FAXDC2: variants seen among roughly 807,000 people sequenced by gnomAD.
The protein encoded by FAXDC2 is fatty acid hydroxylase domain-containing protein 2.
Under a neutral mutation model 40.9 loss-of-function variants are expected in FAXDC2, and 41 were observed. The ratio of observed to expected loss-of-function variants is 1.00; its 90% confidence interval spans 0.78 to 1.30. The LOEUF (loss-of-function observed/expected upper bound fraction) is 1.30, where lower values mean the gene tolerates loss of function less well. Among genes scored for constraint, FAXDC2 ranks in the 50% most tolerant of loss-of-function variants. The pLI, the probability that FAXDC2 is intolerant of heterozygous loss-of-function variation, is 0.00. For synonymous variants in FAXDC2, 157 were observed against 149.3 expected, an observed-to-expected ratio of 1.05 and a Z score of -0.38; for missense variants, 390 against 408.8, an observed-to-expected ratio of 0.95 and a Z score of 0.40.
intron 1 of FAXDC2, among the ~76,000 whole-genome samples, chr5:154,845,882 T>G (rs1194102891): frequency 1.3e-5 from 2 of 150,702 alleles, no homozygotes; most frequent in Non-Finnish European, 3.0e-5. Flanking sequence ...GCCTCCCGGG[T>G]TCAAGCGATT....
rs1286713689 is a variant in FAXDC2 at position 154,822,579 on chromosome 5, TG to T, written c.573-3del. On this transcript the variant is annotated splice_region_variant and splice_polypyrimidine_tract_variant and intron_variant, in intron 6 of 8. Coordinates refer to ENST00000326080, the MANE Select transcript of FAXDC2 (RefSeq NM_032385.5). The stretch of plus-strand genomic sequence containing the variant: ...TAGAATGTTGGGTGGTGAAGGAGCC[TG>T]GGGAAATAGTTAATAGTTAATAACC... 1 of 1,610,554 alleles carries T rather than the reference TG, an allele frequency of 6.2e-7. No individual in the cohort carries two copies. Among genetic ancestry groups the T allele is most frequent in the African/African-American group, 1.3e-5 (1 of 74,850 alleles).
intron 2 of FAXDC2, 54 bp from the exon 3 acceptor site, chr5:154,834,988 C>T (rs148417512): frequency 2.7e-6 from 3 of 1,115,810 alleles, no homozygotes; most frequent in Admixed American, 3.9e-5. Context: ...CCTTTACACC[C>T]AGCTCACTGC....
intron 4 of FAXDC2, among the ~76,000 whole-genome samples, chr5:154,832,607 C>T (rs1381260893): frequency 1.4e-4 from 22 of 152,206 alleles, no homozygotes; most frequent in Admixed American, 1.4e-3. Context: ...CTTGGAACTT[C>T]AAAGGCTGCC....
At chr5:154,848,867 T>C (rs1392927840) in intron 1 of FAXDC2, among the ~76,000 whole-genome samples, 1 of 151,896 alleles carries the variant, frequency 6.6e-6, no homozygotes, top group Non-Finnish European at 1.5e-5. Flanking sequence ...CTCTGGAGGC[T>C]GAGACAGGAG....
intron 1 of FAXDC2, among the ~76,000 whole-genome samples, chr5:154,842,191 TTTG>T (rs796118780): frequency 4.7e-4 from 72 of 151,904 alleles, no homozygotes; most frequent in African/African-American, 1.7e-3. Context: ...TTGTGTGTTT[TTTG>T]TTTTGTTTTG....
At chr5:154,830,722 G>A in intron 5 of FAXDC2, 79 bp downstream of exon 5, 1 of 1,562,982 alleles carries the variant, frequency 6.4e-7, no homozygotes, top group South Asian at 1.1e-5. Context: ...GTCTCTCCTG[G>A]GCCAGTGGTG....
intron 4 of FAXDC2, among the ~76,000 whole-genome samples, chr5:154,831,680 C>T (rs183705369): frequency 1.9e-4 from 29 of 152,202 alleles, no homozygotes; most frequent in Admixed American, 1.5e-3. Flanking sequence ...CTCCATCAAC[C>T]GAAGTAACTG....
At chr5:154,821,546 TGA>T in intron 7 of FAXDC2, 120 bp from the exon 8 acceptor site, 2 of 715,740 alleles carry the variant, frequency 2.8e-6, no homozygotes, top group Non-Finnish European at 2.2e-6. Context: ...CTGGAGAAGG[TGA>T]GAGTTTCGGG....
chr5:154,847,052 C>T (rs1760616791), intron 1 of FAXDC2, among the ~76,000 whole-genome samples: 1 of 152,062 alleles, frequency 6.6e-6, no homozygotes, highest in African/African-American at 2.4e-5. Context: ...CAGCCTCAAT[C>T]TTCTATGCTC....
chr5:154,842,839 T>TA lies in FAXDC2; in HGVS notation c.1-4662dup, dbSNP rs368265291. Among the ~76,000 whole-genome samples, 396 of 149,670 alleles carry TA rather than the reference T, an allele frequency of 2.6e-3. 1 individual carries two copies. Among genetic ancestry groups the TA allele is most frequent in the African/African-American group, 5.3e-3 (218 of 40,748 alleles). On this transcript the variant is annotated intron_variant, in intron 1 of 8. Coordinates refer to ENST00000326080, the MANE Select transcript of FAXDC2 (RefSeq NM_032385.5). ...GCCACTGCACCCGGCCCTTTTTTTT[T>TA]AAAAAAAAATAGAGATATAGGGTCT...
intron 1 of FAXDC2, chr5:154,838,932 C>T (rs117932163): frequency 6.6e-6 from 1 of 152,062 alleles, no homozygotes; most frequent in South Asian, 2.1e-4. Context: ...TGAAACCAAT[C>T]AACAGTTCTA....
rs747826037 is a variant in FAXDC2, at chr5:154,821,386, A to G, written c.719T>C (p.Met240Thr). The stretch of plus-strand genomic sequence containing the variant: ...GGTGATGGAGGACAAGTGGGAGCCC[A>G]TTACTAATGGGCCCACTATCACCGG... ...MLPVIVGPLV[M>T]GSHLSSITMW... is the part of the protein sequence containing the mutation. The change falls in exon 8 of 9, where the codon ATG becomes ACG. Residue 240 changes from methionine (M) to threonine (T), a missense_variant. Met to Thr is a moderately conservative substitution (Grantham distance 81, BLOSUM62 -1). Transcript: ENST00000326080. 2 of 1,612,158 alleles carry G rather than the reference A, an allele frequency of 1.2e-6. No homozygotes were observed. Among genetic ancestry groups the G allele is most frequent in the East Asian group, 2.2e-5 (1 of 44,782 alleles).
rs566532489 is a variant in FAXDC2 at position 154,837,376 on chromosome 5, G to T, written c.48+755C>A. ...ACTCTTGGCCTCATGTGATCTTCCA[G>T]CCTTAGTCTCCCAAAGTGCTGGGAT... On this transcript the variant is annotated intron_variant, in intron 2 of 8. Transcript: ENST00000326080. 3.9e-5 allele frequency among the ~76,000 whole-genome samples: 6 copies of T among 152,132 alleles called. No homozygotes were observed. In the East Asian group the frequency reaches 9.7e-4, roughly 24 times the overall value.
intron 1 of FAXDC2, among the ~76,000 whole-genome samples, chr5:154,849,717 T>G (rs537327944): frequency 1.3e-5 from 2 of 152,292 alleles, no homozygotes; most frequent in Non-Finnish European, 2.9e-5. Context: ...TCAAAGAAAT[T>G]TAATTGGAAT....
rs972345963 is a variant in FAXDC2, at chr5:154,820,416, G to A, written c.902C>T (p.Thr301Ile). 6.2e-7 allele frequency: 1 copy of A among 1,612,990 alleles called. No homozygotes were observed. Among genetic ancestry groups the A allele is most frequent in the Non-Finnish European group, 8.5e-7 (1 of 1,179,820 alleles). The change falls in exon 9 of 9, where the codon ACC (threonine) becomes ATC (isoleucine). Residue 301 changes from threonine (T) to isoleucine (I), a missense_variant. Physicochemically the swap from Thr to Ile is moderately conservative, Grantham distance 89 (BLOSUM62 -1). Coordinates refer to ENST00000326080, the MANE Select transcript of FAXDC2 (RefSeq NM_032385.5). ...GVLDHLHGTD[T>I]MFKQTKAYER... ...GTAGGCCTTGGTCTGCTTGAACATG[G>A]TGTCAGTCCCATGGAGGTGGTCCAG...
intron 2 of FAXDC2, chr5:154,836,151 T>G (rs1760343171): frequency 6.7e-6 from 1 of 150,244 alleles, no homozygotes; most frequent in African/African-American, 2.5e-5. Context: ...ACCTGCCCCA[T>G]CCTCCCAAAG....
chr5:154,837,143 T>C (rs920359833), intron 2 of FAXDC2, among the ~76,000 whole-genome samples: 39 of 152,162 alleles, frequency 2.6e-4, no homozygotes, highest in African/African-American at 8.9e-4. Context: ...AGGGATGTTT[T>C]TTTGAAGGGC....
At chr5:154,839,291 A>G (rs1582536719) in intron 1 of FAXDC2, among the ~76,000 whole-genome samples, 1 of 148,408 alleles carries the variant, frequency 6.7e-6, no homozygotes, top group South Asian at 2.1e-4. Context: ...GCACCATTGC[A>G]CTCCAGCCTG....
At chr5:154,828,843 C>A (rs560217122) in intron 5 of FAXDC2, among the ~76,000 whole-genome samples, 1 of 147,922 alleles carries the variant, frequency 6.8e-6, no homozygotes, top group East Asian at 2.0e-4. Flanking sequence ...TCAAGCGATC[C>A]TCCTGTCTCT....
Sources: allele counts gnomAD v4.1 joint callset (sites outside exome capture counted in the v4.1 genomes callset), GRCh38; gene constraint gnomAD v4.1.1; transcripts MANE v1.5; gene names NCBI Gene and HGNC (gene_info 2026-07-23, HGNC 2026-07-21).